Variants in COL4A6 observed in about 807,000 individuals in gnomAD.
The protein encoded by COL4A6 is collagen alpha-6(IV) chain.
A neutral mutation model predicts 126.7 loss-of-function variants in COL4A6; 59 were observed. The ratio of observed to expected loss-of-function variants is 0.47; its 90% CI spans 0.38 to 0.58. The LOEUF (loss-of-function observed/expected upper bound fraction) is 0.58. Among genes scored for constraint, COL4A6 ranks in the 20% least tolerant of loss-of-function variants. The probability of loss-of-function intolerance (pLI) is 0.00; values close to 1 mark genes in which losing one functional copy is unlikely to be tolerated. For missense variants in COL4A6, 1,285 were observed against 1,337.3 expected (o/e 0.96, Z 0.61); for synonymous variants, 547 against 496.6 (o/e 1.10, Z -1.35).
At chrX:108,257,322 T>C (rs73636393) in intron 3 of COL4A6, among the ~76,000 whole-genome samples, 1,990 of 111,910 alleles carry the variant, frequency 0.018, 33 homozygotes, top group East Asian at 0.076. Flanking sequence ...CCAGTGATTA[T>C]TAGGGTTTTG....
chrX:108,280,900 A>T (rs1308836621), intron 3 of COL4A6, among the ~76,000 whole-genome samples: 1 of 112,121 alleles, frequency 8.9e-6, no homozygotes, highest in Non-Finnish European at 1.9e-5. Context: ...AAACCACATG[A>T]TTACCTCAAC....
intron 2 of COL4A6, among the ~76,000 whole-genome samples, chrX:108,377,383 CTCTT>C (rs1450136470): frequency 9.2e-6 from 1 of 108,437 alleles, no homozygotes; most frequent in Non-Finnish European, 1.9e-5. Context: ...AGAGGTCTTC[CTCTT>C]TCTTTTTTTT....
chrX:108,427,118 T>C (rs1039339800), intron 2 of COL4A6, among the ~76,000 whole-genome samples: 3 of 111,865 alleles, frequency 2.7e-5, no homozygotes, highest in Non-Finnish European at 5.6e-5. Context: ...ACACCCCACA[T>C]AGAGAGATAT....
intron 3 of COL4A6, among the ~76,000 whole-genome samples, chrX:108,236,274 G>A (rs2036427714): frequency 9.0e-6 from 1 of 111,507 alleles, no homozygotes; most frequent in Non-Finnish European, 1.9e-5. Flanking sequence ...ACTTGACAAA[G>A]GCAGGTATCT....
chrX:108,320,901 C>T (rs1436132665), intron 2 of COL4A6, among the ~76,000 whole-genome samples: 4 of 111,838 alleles, frequency 3.6e-5, no homozygotes, highest in African/African-American at 1.3e-4. Flanking sequence ...GACATAGACA[C>T]GTATGCAACA....
At chrX:108,236,887 C>T (rs190250093) in intron 3 of COL4A6, among the ~76,000 whole-genome samples, 8 of 111,869 alleles carry the variant, frequency 7.2e-5, no homozygotes, top group Admixed American at 5.7e-4. Context: ...CCCTCCTTGG[C>T]TTTCACTGCA....
intron 2 of COL4A6, among the ~76,000 whole-genome samples, chrX:108,372,778 TGC>T (rs2040356912): frequency 8.9e-6 from 1 of 112,462 alleles, no homozygotes; most frequent in Admixed American, 9.4e-5. Context: ...ATTTATTGAG[TGC>T]TATGGTAAGC....
At chrX:108,278,203 G>T (rs1472337515) in intron 3 of COL4A6, among the ~76,000 whole-genome samples, 2 of 111,867 alleles carry the variant, frequency 1.8e-5, no homozygotes, top group African/African-American at 6.5e-5. Flanking sequence ...CGAGCTACAG[G>T]AGGAAATTCA....
intron 12 of COL4A6, 134 bp downstream of exon 12, chrX:108,204,186 T>C: frequency 2.4e-6 from 1 of 421,176 alleles, no homozygotes; most frequent in Non-Finnish European, 3.7e-6. Context: ...CTTTTTACTC[T>C]CACTTCTAAA....
intron 2 of COL4A6, among the ~76,000 whole-genome samples, chrX:108,397,081 C>T (rs1298135646): frequency 8.9e-6 from 1 of 112,013 alleles, no homozygotes; most frequent in African/African-American, 3.2e-5. Flanking sequence ...CAGTTATACA[C>T]ACAGTAGATT....
intron 2 of COL4A6, among the ~76,000 whole-genome samples, chrX:108,327,368 C>G (rs949335603): frequency 9.5e-6 from 1 of 105,464 alleles, no homozygotes; most frequent in Non-Finnish European, 2.0e-5. Flanking sequence ...CAAAACCAGT[C>G]CCTGGTGCCC....
chrX:108,437,529 A>C (rs1032231918), intron 2 of COL4A6, among the ~76,000 whole-genome samples: 6 of 111,414 alleles, frequency 5.4e-5, no homozygotes, highest in African/African-American at 2.0e-4. Context: ...TTTCCATAGC[A>C]TCTGCGGCAC....
At position 108,361,510 on chromosome X, in the gene COL4A6, A is replaced by G. The variant is rs138287427; in HGVS notation, c.64-50682T>C. 4.4e-3 allele frequency among the ~76,000 whole-genome samples: 497 copies of G among 111,796 alleles called. 10 individuals carry two copies. The East Asian group carries it at 0.073, about 16-fold the overall frequency. ...CACTTGTGGTAAATAGATTAAAGGA[A>G]CTACTCAGCCATCCAAGAGAGGAAG... On this transcript the variant is annotated intron_variant, in intron 2 of 44. Transcript: ENST00000334504.
At chrX:108,318,422 G>C (rs2038939604) in intron 2 of COL4A6, among the ~76,000 whole-genome samples, 1 of 111,161 alleles carries the variant, frequency 9.0e-6, no homozygotes, top group African/African-American at 3.3e-5. Flanking sequence ...TAGGAAAAGA[G>C]GAAGTCAAAT....
At chrX:108,274,550 C>T (rs1422129318) in intron 3 of COL4A6, among the ~76,000 whole-genome samples, 2 of 111,592 alleles carry the variant, frequency 1.8e-5, no homozygotes, top group African/African-American at 3.3e-5. Flanking sequence ...TACAGCTAGC[C>T]GTGGAGAATC....
chrX:108,427,795 T>C (rs1256348630), intron 2 of COL4A6, among the ~76,000 whole-genome samples: 1 of 111,860 alleles, frequency 8.9e-6, no homozygotes, highest in East Asian at 2.8e-4. Flanking sequence ...GGAGTCCGGA[T>C]AAGAGATGAT....
chrX:108,270,356 G>C lies in COL4A6; in HGVS notation c.144+40392C>G, dbSNP rs757083391. Among the ~76,000 whole-genome samples the C allele has an allele frequency of 1.3e-3, 145 of 112,975 alleles. 1 individual carries two copies. Among genetic ancestry groups the C allele is most frequent in the Non-Finnish European group, 4.1e-4 (22 of 53,407 alleles). ...AGATAGGATGATATGGAAGAAAACAGTGAGCCAGTTACAAGCTTATGCTTT... is the reference window on the plus strand; with the variant it reads ...AGATAGGATGATATGGAAGAAAACACTGAGCCAGTTACAAGCTTATGCTTT... On this transcript the variant is annotated intron_variant, in intron 3 of 44. Transcript: ENST00000334504.
At chrX:108,225,216 C>T (rs1334192446) in intron 3 of COL4A6, among the ~76,000 whole-genome samples, 1 of 111,940 alleles carries the variant, frequency 8.9e-6, no homozygotes, top group African/African-American at 3.3e-5. Context: ...CCTCCACTAC[C>T]CTGGGCCCGC....
intron 3 of COL4A6, among the ~76,000 whole-genome samples, chrX:108,254,252 C>T (rs1190924736): frequency 9.1e-6 from 1 of 110,021 alleles, no homozygotes; most frequent in Non-Finnish European, 1.9e-5. Context: ...TTTCTTAGAT[C>T]ATTTTCCTAT....
Sources: allele counts gnomAD v4.1 joint callset (sites outside exome capture counted in the v4.1 genomes callset), GRCh38; gene constraint gnomAD v4.1.1; transcripts MANE v1.5; gene names NCBI Gene and HGNC (gene_info 2026-07-23, HGNC 2026-07-21).